Variants in NSD1 observed in about 807,000 individuals in gnomAD.
NSD1 encodes the protein histone-lysine N-methyltransferase, H3 lysine-36 specific.
A neutral mutation model predicts 242.7 loss-of-function variants in NSD1; 26 were observed. The ratio of observed to expected loss-of-function variants is 0.11; its 90% CI spans 0.08 to 0.15. NSD1 has a LOEUF of 0.15. NSD1 is among the 10% of genes least tolerant of loss of function. The pLI is 1.00. For missense variants in NSD1, 2,495 were observed against 3,272.8 expected, an observed-to-expected ratio of 0.76 and a Z score of 5.80; for synonymous variants, 1,106 against 1,178.1, an observed-to-expected ratio of 0.94 and a Z score of 1.25.
intron 2 of NSD1, among the ~76,000 whole-genome samples, chr5:177,142,477 G>A (rs1296239491): frequency 6.6e-6 from 1 of 152,118 alleles, no homozygotes; most frequent in Non-Finnish European, 1.5e-5. Flanking sequence ...AATCAGGGAG[G>A]ACTTCACAGA....
At chr5:177,286,828 C>A (rs1334672475) in intron 20 of NSD1, among the ~76,000 whole-genome samples, 1 of 152,220 alleles carries the variant, frequency 6.6e-6, no homozygotes, top group African/African-American at 2.4e-5. Flanking sequence ...AATTTCTCTT[C>A]TTTTTTTCCT....
chr5:177,160,461 C>T (rs561037886), intron 2 of NSD1, among the ~76,000 whole-genome samples: 7 of 151,486 alleles, frequency 4.6e-5, no homozygotes, highest in Admixed American at 1.3e-4. Flanking sequence ...CCACGACGCC[C>T]GGCTGATTTT....
chr5:177,201,454 C>T lies in NSD1; in HGVS notation c.1064-2666C>T, dbSNP rs565767497. 8.6e-5 allele frequency among the ~76,000 whole-genome samples: 13 copies of T among 151,982 alleles called. No individual in the cohort carries two copies. The South Asian group carries it at 2.7e-3, about 32-fold the overall frequency. On this transcript the variant is annotated intron_variant, in intron 3 of 22. Transcript: ENST00000439151. ...AACCTTTATTAGTTTCCCTTTTCTTCTAGTTTATGATAGTGTTTAGAACTA... is the reference window on the plus strand; with the variant it reads ...AACCTTTATTAGTTTCCCTTTTCTTTTAGTTTATGATAGTGTTTAGAACTA...
rs2127282930 is a variant in NSD1, at chr5:177,294,801, A to G, written c.7433A>G (p.Gln2478Arg). The stretch of plus-strand genomic sequence containing the variant: ...GCTTCACCTCATCAGGTCACACCAC[A>G]GGCTGATGAGAAGATGCCAGTGTTG... ...RAASPHQVTP[Q>R]ADEKMPVLES... Residue 2478 changes from glutamine (Q) to arginine (R), a missense_variant, in exon 23 of 23, where the codon CAG (glutamine) becomes CGG (arginine). This residue lies in a region of NSD1 where 475 missense variants were observed against 563.7 expected (regional missense o/e 0.84). Transcript: ENST00000439151. 1 of 1,613,228 alleles carries G rather than the reference A, an allele frequency of 6.2e-7. No homozygotes were observed.
chr5:177,206,398 C>T (rs1443972908), intron 4 of NSD1, among the ~76,000 whole-genome samples: 2 of 152,004 alleles, frequency 1.3e-5, no homozygotes, highest in African/African-American at 4.8e-5. Context: ...TGTCGGTTTC[C>T]CAAAGTGATG....
chr5:177,153,638 A>C (rs1757902071), intron 2 of NSD1, among the ~76,000 whole-genome samples: 1 of 152,196 alleles, frequency 6.6e-6, no homozygotes, highest in African/African-American at 2.4e-5. Flanking sequence ...TTGTATAGTC[A>C]AAGTTTCATT....
chr5:177,184,111 C>T (rs1009832939), intron 2 of NSD1, among the ~76,000 whole-genome samples: 5 of 152,182 alleles, frequency 3.3e-5, no homozygotes, highest in African/African-American at 1.2e-4. Flanking sequence ...GGGCAAATGT[C>T]TATTTGAAAT....
At chr5:177,251,965 A>G in intron 12 of NSD1, 112 bp downstream of exon 12, 2 of 1,337,428 alleles carry the variant, frequency 1.5e-6, no homozygotes, top group Non-Finnish European at 1.1e-6. Flanking sequence ...TAGTTGTTAC[A>G]GATATAGAAA....
At chr5:177,222,233 A>G (rs1404412017) in intron 5 of NSD1, among the ~76,000 whole-genome samples, 1 of 152,070 alleles carries the variant, frequency 6.6e-6, no homozygotes, top group Non-Finnish European at 1.5e-5. Context: ...GGTACAAGCG[A>G]TTCTCATGTC....
intron 2 of NSD1, among the ~76,000 whole-genome samples, chr5:177,185,246 T>C (rs1186505387): frequency 1.3e-5 from 2 of 152,044 alleles, no homozygotes; most frequent in Non-Finnish European, 2.9e-5. Context: ...TTTGGGTGGA[T>C]TGATTGAGCT....
intron 18 of NSD1, among the ~76,000 whole-genome samples, chr5:177,281,294 G>T (rs1758854564): frequency 6.6e-6 from 1 of 151,082 alleles, no homozygotes; most frequent in South Asian, 2.1e-4. Context: ...AACTTGGCAG[G>T]ATCTCTAAGT....
At position 177,294,412 on chromosome 5, in the gene NSD1, A is replaced by G. The variant is rs754367014; in HGVS notation, c.7044A>G (p.Gln2348=). 6.8e-6 allele frequency: 11 copies of G among 1,614,136 alleles called. No homozygotes were observed. Among genetic ancestry groups the G allele is most frequent in the Non-Finnish European group, 9.3e-6 (11 of 1,180,026 alleles). ...GCTCCTCACCCTCAGTCAGGTCCCA[A>G]CCACTGGAAAGACCTCTGGGGACGG... is the stretch of plus-strand genomic sequence containing the variant. ...SPSSSPSVRS[Q]PLERPLGTAD... The change falls in exon 23 of 23, where the codon CAA becomes CAG. Residue 2348 remains glutamine (Q), a synonymous_variant. Transcript: ENST00000439151.
At position 177,295,862 on chromosome 5, in the gene NSD1, T is replaced by C; in HGVS notation, c.*403T>C. The C allele has an allele frequency of 2.5e-6, 1 of 392,492 alleles. No homozygotes were observed. The highest frequency in any genetic ancestry group is 4.7e-6 in the Non-Finnish European group (1 of 211,170). The allele number at this position is 392,492 out of a possible 1,614,324, so 24.3% of individuals were successfully genotyped here. ...CCCCATTGAGGGCACCTAGGAACCC[T>C]TGGGAGGAAATGGTGTTCTTTCAAA... On this transcript the variant is annotated 3_prime_UTR_variant, in exon 23 of 23. Coordinates refer to ENST00000439151, the MANE Select transcript of NSD1 (RefSeq NM_022455.5). The surrounding 1 kb of genome is among the most constrained non-coding windows in gnomAD (Gnocchi z 4.3).
At chr5:177,142,280 T>G (rs1756887938) in intron 2 of NSD1, among the ~76,000 whole-genome samples, 1 of 152,146 alleles carries the variant, frequency 6.6e-6, no homozygotes, top group Non-Finnish European at 1.5e-5. Flanking sequence ...GAGTACCTCT[T>G]GAGCCAGGCA....
chr5:177,262,363 T>C (rs1304274035), intron 14 of NSD1, among the ~76,000 whole-genome samples: 1 of 40,040 alleles, frequency 2.5e-5, no homozygotes, highest in African/African-American at 1.2e-4. Context: ...GCTATTCAGG[T>C]GGCCAAGGTG....
intron 16 of NSD1, among the ~76,000 whole-genome samples, chr5:177,270,154 A>AGTCTT (rs35874885): frequency 0.56 from 84,404 of 150,438 alleles, 24,122 homozygotes; most frequent in African/African-American, 0.64. Flanking sequence ...TGCTCCAAGG[A>AGTCTT]GTCTTGTCTT....
intron 5 of NSD1, among the ~76,000 whole-genome samples, chr5:177,231,053 T>A (rs1301093793): frequency 6.6e-6 from 1 of 152,124 alleles, no homozygotes; most frequent in East Asian, 1.9e-4. Context: ...GCCACCTCAA[T>A]AATTAACTAA....
chr5:177,201,006 C>G (rs950923352), intron 3 of NSD1, among the ~76,000 whole-genome samples: 3 of 148,384 alleles, frequency 2.0e-5, no homozygotes, highest in Non-Finnish European at 4.5e-5. Flanking sequence ...AAGTGATTCT[C>G]TTGCCTCAGT....
At chr5:177,146,164 C>G (rs1757223487) in intron 2 of NSD1, among the ~76,000 whole-genome samples, 2 of 150,150 alleles carry the variant, frequency 1.3e-5, no homozygotes, top group Non-Finnish European at 3.0e-5. Flanking sequence ...ATATCTAATA[C>G]CACACAACCA....
Sources: allele counts gnomAD v4.1 joint callset (sites outside exome capture counted in the v4.1 genomes callset), GRCh38; gene constraint gnomAD v4.1.1; regional missense constraint gnomAD v4.1.1; non-coding constraint Gnocchi (gnomAD v3.1); transcripts MANE v1.5; gene names NCBI Gene and HGNC (gene_info 2026-07-23, HGNC 2026-07-21).